Variants in MAPKAP1 observed in about 807,000 individuals in gnomAD.
The protein encoded by MAPKAP1 is target of rapamycin complex 2 subunit MAPKAP1.
In MAPKAP1, 20 loss-of-function variants were observed where a neutral mutation model predicts 65.7. That is an observed-to-expected ratio of 0.30 (90% CI 0.21 to 0.44). The LOEUF (loss-of-function observed/expected upper bound fraction) is 0.44. MAPKAP1 is among the 20% of genes least tolerant of loss of function. The pLI is 1.00. For synonymous variants in MAPKAP1, 222 were observed against 244.3 expected (o/e 0.91, Z 0.85); for missense variants, 423 against 648.0 (o/e 0.65, Z 3.77).
At chr9:125,666,215 T>G (rs1834335809) in intron 3 of MAPKAP1, among the ~76,000 whole-genome samples, 1 of 152,248 alleles carries the variant, frequency 6.6e-6, no homozygotes. Context: ...GATCTTACTC[T>G]AAGGTATTTC....
chr9:125,692,786 G>T (rs1033309748), intron 1 of MAPKAP1, among the ~76,000 whole-genome samples: 21 of 152,072 alleles, frequency 1.4e-4, no homozygotes, highest in Admixed American at 1.3e-4. Flanking sequence ...AGCAGAATTG[G>T]CAACAGTAAC....
rs770972271 is a variant in MAPKAP1, at chr9:125,702,626, C to T, written c.-70+4345G>A. Among the ~76,000 whole-genome samples, 44 of 151,962 alleles carry T rather than the reference C, an allele frequency of 2.9e-4. 1 individual carries two copies. The highest frequency in any genetic ancestry group is 4.4e-4 in the Non-Finnish European group (30 of 67,966). ...CAGCACTTTGAGAGCCTGAAGCAGG[C>T]GGATCACTTGAGGTCAAGAGTTCAA... On this transcript the variant is annotated intron_variant, in intron 1 of 11. Transcript: ENST00000265960.
chr9:125,679,972 T>G (rs1224883237), intron 1 of MAPKAP1, among the ~76,000 whole-genome samples: 2 of 152,218 alleles, frequency 1.3e-5, no homozygotes, highest in Admixed American at 1.3e-4. Context: ...GCATGTTAAT[T>G]GTGTATTTAT....
chr9:125,561,264 C>A (rs1430471820), intron 5 of MAPKAP1, among the ~76,000 whole-genome samples: 1 of 152,176 alleles, frequency 6.6e-6, no homozygotes, highest in African/African-American at 2.4e-5. Context: ...AATTAATTCA[C>A]AAATCTTTAG....
intron 4 of MAPKAP1, among the ~76,000 whole-genome samples, chr9:125,602,785 A>C (rs997941475): frequency 6.6e-6 from 1 of 152,118 alleles, no homozygotes; most frequent in South Asian, 2.1e-4. Context: ...TCCCTCTTAG[A>C]GCTGTTCGTT....
At chr9:125,694,008 T>C (rs1489596221) in intron 1 of MAPKAP1, among the ~76,000 whole-genome samples, 1 of 151,916 alleles carries the variant, frequency 6.6e-6, no homozygotes, top group Admixed American at 6.6e-5. Context: ...TCTCTGTTAT[T>C]TGTATTAAAA....
At chr9:125,552,158 A>T (rs1335674290) in intron 6 of MAPKAP1, among the ~76,000 whole-genome samples, 2 of 152,250 alleles carry the variant, frequency 1.3e-5, no homozygotes, top group East Asian at 3.8e-4. Flanking sequence ...TCCAAAATCA[A>T]TCAGGAACAA....
In MAPKAP1 at chr9:125,457,439, G is replaced by A. The variant is rs191956864; in HGVS notation, c.1345+10533C>T. Among the ~76,000 whole-genome samples the A allele has an allele frequency of 3.1e-3, 465 of 152,226 alleles. 3 individuals carry two copies. The highest frequency in any genetic ancestry group is 0.011 in the African/African-American group (456 of 41,518). On this transcript the variant is annotated intron_variant, in intron 10 of 11. Transcript: ENST00000265960. Reference sequence around the variant, plus strand: ...TAGCTATTTTAAGGTACTTCTCTGTGAATTCTATCACCTCTGACTCTTCTG... The same window carrying A: ...TAGCTATTTTAAGGTACTTCTCTGTAAATTCTATCACCTCTGACTCTTCTG...
rs1255899142 is a variant in MAPKAP1, at chr9:125,625,815, T to TA, written c.498+31835dup. ...ATCTCAAAAACAAACAAACAAACAA[T>TA]AAAAAAACAAAAAACTGAGGTCAGA... On this transcript the variant is annotated intron_variant, in intron 4 of 11. Transcript: ENST00000265960. Among the ~76,000 whole-genome samples the TA allele has an allele frequency of 5.3e-5, 8 of 151,542 alleles. No homozygotes were observed. In the South Asian group the frequency reaches 1.0e-3, roughly 20 times the overall value.
At chr9:125,444,131 T>C (rs1270902807) in intron 11 of MAPKAP1, among the ~76,000 whole-genome samples, 1 of 152,202 alleles carries the variant, frequency 6.6e-6, no homozygotes, top group African/African-American at 2.4e-5. Flanking sequence ...TTCAAAACAA[T>C]AATAATTTCC....
chr9:125,619,797 TAAA>T (rs202077488), intron 4 of MAPKAP1, among the ~76,000 whole-genome samples: 3 of 147,412 alleles, frequency 2.0e-5, no homozygotes, highest in African/African-American at 7.5e-5. Flanking sequence ...TTCGCTACAA[TAAA>T]AAAAAAATTA....
intron 4 of MAPKAP1, among the ~76,000 whole-genome samples, chr9:125,627,749 C>A (rs558109707): frequency 6.6e-6 from 1 of 152,060 alleles, no homozygotes; most frequent in Admixed American, 6.5e-5. Flanking sequence ...CAAAAAGTTA[C>A]GATTTTATCC....
intron 4 of MAPKAP1, among the ~76,000 whole-genome samples, chr9:125,621,567 C>G (rs761266737): frequency 3.9e-5 from 6 of 152,100 alleles, no homozygotes; most frequent in African/African-American, 1.4e-4. Flanking sequence ...TTTACTATTC[C>G]AAGCTCTTTT....
intron 4 of MAPKAP1, among the ~76,000 whole-genome samples, chr9:125,649,748 G>A (rs1367386106): frequency 6.8e-6 from 1 of 146,276 alleles, no homozygotes; most frequent in African/African-American, 2.5e-5. Context: ...TCTATGATCT[G>A]TAGTCAGCAG....
intron 7 of MAPKAP1, among the ~76,000 whole-genome samples, chr9:125,537,136 A>T (rs1042453999): frequency 6.6e-6 from 1 of 152,238 alleles, no homozygotes. Flanking sequence ...TTTGAGGTCA[A>T]AAAAGCCTGG....
chr9:125,494,603 G>A (rs553368976), intron 8 of MAPKAP1, among the ~76,000 whole-genome samples: 11 of 152,294 alleles, frequency 7.2e-5, no homozygotes, highest in Non-Finnish European at 1.3e-4. Context: ...CGGGGCCTAC[G>A]AGGCTCTGCA....
chr9:125,577,534 T>G, intron 5 of MAPKAP1, among the ~76,000 whole-genome samples: 1 of 125,294 alleles, frequency 8.0e-6, no homozygotes, highest in Admixed American at 8.0e-5. Context: ...CCCCTCTGCC[T>G]GGCCGGCCGC....
intron 6 of MAPKAP1, among the ~76,000 whole-genome samples, chr9:125,551,857 T>A (rs1039930640): frequency 6.6e-6 from 1 of 152,186 alleles, no homozygotes; most frequent in Non-Finnish European, 1.5e-5. Context: ...CAGGTCCCTA[T>A]CCTTGAGAGG....
intron 1 of MAPKAP1, among the ~76,000 whole-genome samples, chr9:125,676,938 C>G (rs768536863): frequency 3.3e-5 from 5 of 152,138 alleles, no homozygotes; most frequent in South Asian, 2.1e-4. Flanking sequence ...TATGACTCTC[C>G]AAGAGGGAGG....
Sources: allele counts gnomAD v4.1 joint callset (sites outside exome capture counted in the v4.1 genomes callset), GRCh38; gene constraint gnomAD v4.1.1; transcripts MANE v1.5; gene names NCBI Gene and HGNC (gene_info 2026-07-23, HGNC 2026-07-21).